TENM3: variants seen among roughly 807,000 people sequenced by gnomAD.
TENM3 encodes the protein teneurin-3.
In TENM3, 63 loss-of-function variants were observed where a neutral mutation model predicts 255.1. The ratio of observed to expected loss-of-function variants is 0.25; its 90% CI spans 0.20 to 0.30. TENM3 has a LOEUF of 0.30. Ranked by LOEUF, TENM3 falls within the 10% of genes least tolerant of loss-of-function variation. The probability of loss-of-function intolerance (pLI) is 1.00; values close to 1 mark genes in which losing one functional copy is unlikely to be tolerated. For missense variants in TENM3, 2,929 were observed against 3,461.1 expected, an observed-to-expected ratio of 0.85 and a Z score of 3.86; for synonymous variants, 1,306 against 1,322.3, an observed-to-expected ratio of 0.99 and a Z score of 0.27.
intron 3 of TENM3, among the ~76,000 whole-genome samples, chr4:182,586,986 G>T (rs1467740602): frequency 6.6e-6 from 1 of 151,982 alleles, no homozygotes; most frequent in Non-Finnish European, 1.5e-5. Flanking sequence ...TAAGAAAGAA[G>T]AATCAGAAAA....
chr4:181,608,263 G>A, the TENM3 span, among the ~76,000 whole-genome samples: 3 of 152,166 alleles, frequency 2.0e-5, no homozygotes, highest in Non-Finnish European at 4.4e-5. Flanking sequence ...AGAGATGAAT[G>A]AGTACAACAT....
intron 5 of TENM3, among the ~76,000 whole-genome samples, chr4:182,639,542 T>C (rs1047553484): frequency 6.6e-6 from 1 of 152,202 alleles, no homozygotes; most frequent in African/African-American, 2.4e-5. Context: ...GCAAGTCCTT[T>C]AAAAGGAACC....
intron 3 of TENM3, among the ~76,000 whole-genome samples, chr4:182,417,113 A>T (rs563074703): frequency 4.0e-4 from 61 of 152,148 alleles, no homozygotes; most frequent in South Asian, 1.5e-3. Context: ...AGCTGGGATT[A>T]CAGGCGCCTG....
At chr4:182,201,999 A>G (rs1281146585) in intron 1 of TENM3, among the ~76,000 whole-genome samples, 1 of 152,226 alleles carries the variant, frequency 6.6e-6, no homozygotes, top group African/African-American at 2.4e-5. Flanking sequence ...CATAGTAACA[A>G]ATTGGACAAC....
chr4:181,767,448 G>A, the TENM3 span, among the ~76,000 whole-genome samples: 32 of 152,102 alleles, frequency 2.1e-4, no homozygotes, highest in South Asian at 6.0e-3. Context: ...GCTATGATGT[G>A]TAAGCTGGAA....
At chr4:181,871,172 G>A in the TENM3 span, among the ~76,000 whole-genome samples, 1 of 149,686 alleles carries the variant, frequency 6.7e-6, no homozygotes, top group African/African-American at 2.4e-5. Flanking sequence ...TTGATATCAG[G>A]TGATATAAGT....
the TENM3 span, among the ~76,000 whole-genome samples, chr4:181,535,605 A>G: frequency 6.6e-6 from 1 of 152,302 alleles, no homozygotes; most frequent in East Asian, 1.9e-4. Flanking sequence ...GATTCTTTAT[A>G]ATGGCTTACA....
the TENM3 span, among the ~76,000 whole-genome samples, chr4:181,873,895 C>T: frequency 6.6e-6 from 1 of 152,088 alleles, no homozygotes; most frequent in Non-Finnish European, 1.5e-5. Flanking sequence ...AGCGATTCTC[C>T]TACCTCAGCT....
At chr4:182,739,889 A>T (rs1761470433) in intron 18 of TENM3, among the ~76,000 whole-genome samples, 1 of 152,256 alleles carries the variant, frequency 6.6e-6, no homozygotes, top group South Asian at 2.1e-4. Context: ...CACAAAAATT[A>T]GCCATGTGTG....
intron 3 of TENM3, among the ~76,000 whole-genome samples, chr4:182,425,747 C>T (rs1771156913): frequency 6.6e-6 from 1 of 152,154 alleles, no homozygotes; most frequent in African/African-American, 2.4e-5. Context: ...TGATGGCTCC[C>T]GCCTGTAATC....
At chr4:182,615,366 G>A (rs983810420) in intron 4 of TENM3, among the ~76,000 whole-genome samples, 1 of 152,042 alleles carries the variant, frequency 6.6e-6, no homozygotes, top group Non-Finnish European at 1.5e-5. Context: ...AATTAATGAA[G>A]CATTTTGGGA....
At chr4:182,591,924 A>G (rs2152389785) in intron 3 of TENM3, among the ~76,000 whole-genome samples, 1 of 152,266 alleles carries the variant, frequency 6.6e-6, no homozygotes, top group Middle Eastern at 3.4e-3. Flanking sequence ...ATATGAGTAT[A>G]AGCACCTATT....
chr4:182,629,280 G>T (rs1298095542), intron 5 of TENM3, among the ~76,000 whole-genome samples: 1 of 152,056 alleles, frequency 6.6e-6, no homozygotes, highest in Non-Finnish European at 1.5e-5. Context: ...TTGTGATATT[G>T]TAAGTCTCTC....
intron 3 of TENM3, among the ~76,000 whole-genome samples, chr4:182,497,847 CATATATATAT>C (rs56170155): frequency 0.05 from 6,776 of 135,492 alleles, 218 homozygotes; most frequent in Middle Eastern, 0.098. Context: ...ACTAAAAATA[CATATATATAT>C]ATATATATAT....
the TENM3 span, among the ~76,000 whole-genome samples, chr4:181,604,949 T>C: frequency 1.3e-5 from 2 of 152,140 alleles, no homozygotes; most frequent in Non-Finnish European, 2.9e-5. Flanking sequence ...GTTGTGGAGG[T>C]TGATTTAATG....
At chr4:181,710,566 A>C in the TENM3 span, among the ~76,000 whole-genome samples, 1 of 152,030 alleles carries the variant, frequency 6.6e-6, no homozygotes, top group East Asian at 1.9e-4. Context: ...AAACGCAAAA[A>C]TTAGCGGGCA....
chr4:181,639,568 C>T, the TENM3 span, among the ~76,000 whole-genome samples: 4 of 152,052 alleles, frequency 2.6e-5, no homozygotes, highest in African/African-American at 4.8e-5. Flanking sequence ...AGTGAAACCC[C>T]GTCTCTACTA....
chr4:182,281,547 G>C (rs951504689), intron 1 of TENM3, among the ~76,000 whole-genome samples: 1 of 151,848 alleles, frequency 6.6e-6, no homozygotes, highest in African/African-American at 2.4e-5. Context: ...TGAGACAAAG[G>C]TCTTGCTATA....
At chr4:181,998,320 C>T in the TENM3 span, among the ~76,000 whole-genome samples, 321 of 152,252 alleles carry the variant, frequency 2.1e-3, no homozygotes, top group African/African-American at 7.2e-3. Flanking sequence ...ATTTAGTGAA[C>T]ATCACCTACA....
Sources: gnomAD v4.1 joint callset for allele counts (sites outside exome capture counted in the v4.1 genomes callset) on GRCh38, gnomAD v4.1.1 for gene constraint, MANE v1.5 for transcripts, NCBI Gene and HGNC (gene_info 2026-07-23, HGNC 2026-07-21) for gene names.